The following RPS6KC1 variants were observed in gnomAD, a reference collection of about 807,000 sequenced individuals.
The protein encoded by RPS6KC1 is inactive ribosomal protein S6 kinase delta-1.
In RPS6KC1, 54 loss-of-function variants were observed where a neutral mutation model predicts 103.8. The ratio of observed to expected loss-of-function variants is 0.52; its 90% CI spans 0.42 to 0.65. The LOEUF (loss-of-function observed/expected upper bound fraction) is 0.65. Ranked by LOEUF, RPS6KC1 falls within the 30% of genes least tolerant of loss-of-function variation. The probability of loss-of-function intolerance (pLI) is 0.00; values close to 1 mark genes in which losing one functional copy is unlikely to be tolerated. For synonymous variants in RPS6KC1, 439 were observed against 438.7 expected (o/e 1.00, Z -0.01); for missense variants, 1,151 against 1,253.8 (o/e 0.92, Z 1.24).
the RPS6KC1 span, among the ~76,000 whole-genome samples, chr1:213,398,451 T>A: frequency 1.5e-4 from 23 of 152,074 alleles, no homozygotes; most frequent in African/African-American, 5.6e-4. Context: ...TGGCACCACC[T>A]ATCTATCTCA....
At chr1:213,259,182 A>G (rs1300415897) in intron 12 of RPS6KC1, among the ~76,000 whole-genome samples, 1 of 152,336 alleles carries the variant, frequency 6.6e-6, no homozygotes, top group South Asian at 2.1e-4. Flanking sequence ...AACTTTTCCA[A>G]CAAGCCTGAA....
chr1:213,380,275 G>A, the RPS6KC1 span, among the ~76,000 whole-genome samples: 1 of 152,174 alleles, frequency 6.6e-6, no homozygotes, highest in African/African-American at 2.4e-5. Flanking sequence ...GCTAAATGAT[G>A]CGAACACATG....
At chr1:213,216,154 A>C (rs7412114) in intron 8 of RPS6KC1, among the ~76,000 whole-genome samples, 1 of 152,186 alleles carries the variant, frequency 6.6e-6, no homozygotes, top group African/African-American at 2.4e-5. Context: ...AGAGACACAC[A>C]TAGGCTCAAA....
chr1:213,633,608 A>C, the RPS6KC1 span, among the ~76,000 whole-genome samples: 63 of 152,000 alleles, frequency 4.1e-4, no homozygotes, highest in Non-Finnish European at 8.2e-4. Flanking sequence ...CAAAATGTAA[A>C]ACCATCGATG....
In RPS6KC1 at chr1:213,114,115, G is replaced by A. The variant is rs368131661; in HGVS notation, c.379-3202G>A. ...TGTGAAGAAAGTCATTGGTAGCTTG[G>A]TGGGGATGGCATTGAATCTGTAAAT... On this transcript the variant is annotated intron_variant, in intron 4 of 14. Coordinates refer to ENST00000366960, the MANE Select transcript of RPS6KC1 (RefSeq NM_012424.6). 5.9e-3 allele frequency among the ~76,000 whole-genome samples: 893 copies of A among 151,748 alleles called. 9 individuals are homozygous for A. The highest frequency in any genetic ancestry group is 0.021 in the African/African-American group (850 of 41,200).
chr1:213,758,175 C>T, the RPS6KC1 span, among the ~76,000 whole-genome samples: 1 of 152,144 alleles, frequency 6.6e-6, no homozygotes, highest in African/African-American at 2.4e-5. Flanking sequence ...TTAAGAAAAA[C>T]ATTTTATAAG....
At chr1:213,679,270 A>G in the RPS6KC1 span, among the ~76,000 whole-genome samples, 1 of 152,210 alleles carries the variant, frequency 6.6e-6, no homozygotes. Context: ...GGGGATAATA[A>G]TGCCCTATGT....
chr1:213,201,171 A>G (rs1190482689), intron 8 of RPS6KC1, among the ~76,000 whole-genome samples: 2 of 152,164 alleles, frequency 1.3e-5, no homozygotes, highest in Non-Finnish European at 2.9e-5. Context: ...GTTTATAGCC[A>G]CTTTATTCAT....
At chr1:213,167,470 AC>A (rs1558462334) in intron 6 of RPS6KC1, among the ~76,000 whole-genome samples, 23 of 144,340 alleles carry the variant, frequency 1.6e-4, no homozygotes, top group South Asian at 7.1e-4. Context: ...ACACACACAC[AC>A]ACACACACAC....
intron 12 of RPS6KC1, among the ~76,000 whole-genome samples, chr1:213,260,824 A>C (rs2094774105): frequency 6.6e-6 from 1 of 151,740 alleles, no homozygotes; most frequent in South Asian, 2.1e-4. Flanking sequence ...GAAAGATGAC[A>C]CCTGAAAACT....
chr1:213,849,107 C>G, the RPS6KC1 span, among the ~76,000 whole-genome samples: 1 of 152,194 alleles, frequency 6.6e-6, no homozygotes, highest in Non-Finnish European at 1.5e-5. Context: ...GTCATCAACT[C>G]TCTCTTGCAA....
chr1:213,354,155 C>T, the RPS6KC1 span, among the ~76,000 whole-genome samples: 190 of 152,292 alleles, frequency 1.2e-3, no homozygotes, highest in African/African-American at 4.3e-3. Flanking sequence ...CCTCAGTTTC[C>T]TCATATGTAA....
the RPS6KC1 span, among the ~76,000 whole-genome samples, chr1:213,363,662 CTT>C: frequency 1.0e-5 from 1 of 96,422 alleles, no homozygotes; most frequent in South Asian, 3.1e-4. Flanking sequence ...TTCTTTCTTT[CTT>C]TCTTTCTTTC....
the RPS6KC1 span, among the ~76,000 whole-genome samples, chr1:213,682,187 C>A: frequency 6.6e-6 from 1 of 152,196 alleles, no homozygotes; most frequent in South Asian, 2.1e-4. Flanking sequence ...TTACTGTTCC[C>A]TCTGCTTGCA....
At chr1:213,506,412 G>C in the RPS6KC1 span, among the ~76,000 whole-genome samples, 1 of 152,186 alleles carries the variant, frequency 6.6e-6, no homozygotes, top group South Asian at 2.1e-4. Flanking sequence ...TGCCATGATT[G>C]TCCAAACTCT....
At chr1:213,301,699 T>TTATC in the RPS6KC1 span, among the ~76,000 whole-genome samples, 2 of 36,360 alleles carry the variant, frequency 5.5e-5, no homozygotes, top group African/African-American at 3.2e-4. Flanking sequence ...ACCCATTTAC[T>TTATC]TATTTATTTA....
intron 9 of RPS6KC1, 93 bp from the exon 10 acceptor site, chr1:213,232,030 A>G: frequency 6.7e-7 from 1 of 1,487,926 alleles, no homozygotes; most frequent in South Asian, 1.2e-5. Flanking sequence ...ACTCGGATAG[A>G]TTAGTTTGGT....
chr1:213,638,460 A>G, the RPS6KC1 span, among the ~76,000 whole-genome samples: 1 of 152,148 alleles, frequency 6.6e-6, no homozygotes, highest in African/African-American at 2.4e-5. Flanking sequence ...ATTTTCTCCT[A>G]TGTCTTCTTC....
the RPS6KC1 span, among the ~76,000 whole-genome samples, chr1:213,620,877 G>A: frequency 0.061 from 9,219 of 152,168 alleles, 620 homozygotes; most frequent in East Asian, 0.29. Context: ...TAAAGAATTA[G>A]AGTATATTTC....
Sources: allele counts gnomAD v4.1 joint callset (sites outside exome capture counted in the v4.1 genomes callset), GRCh38; gene constraint gnomAD v4.1.1; transcripts MANE v1.5; gene names NCBI Gene and HGNC (gene_info 2026-07-23, HGNC 2026-07-21).